Variants in WDPCP observed in about 807,000 individuals in gnomAD.
WDPCP encodes the protein WD repeat-containing and planar cell polarity effector protein fritz homolog.
In WDPCP, 71 loss-of-function variants were observed where a neutral mutation model predicts 93.1. The observed-to-expected ratio is 0.76, with a 90% CI of 0.63 to 0.93. The LOEUF is 0.93. WDPCP is among the 40% of genes least tolerant of loss of function. The probability of loss-of-function intolerance (pLI) is 0.00; values close to 1 mark genes in which losing one functional copy is unlikely to be tolerated. For missense variants in WDPCP, 844 were observed against 887.4 expected (o/e 0.95, Z 0.62); for synonymous variants, 315 against 315.0 (o/e 1.00, Z 0.00).
chr2:63,163,993 T>C (rs1672800012), intron 15 of WDPCP, among the ~76,000 whole-genome samples: 1 of 152,312 alleles, frequency 6.6e-6, no homozygotes, highest in South Asian at 2.1e-4. Context: ...TCAATACTGG[T>C]TCATTATAAT....
intron 8 of WDPCP, among the ~76,000 whole-genome samples, chr2:63,435,656 T>C (rs554886284): frequency 6.6e-6 from 1 of 152,244 alleles, no homozygotes; most frequent in Non-Finnish European, 1.5e-5. Flanking sequence ...CCTATGAGTT[T>C]AATATTATCA....
intron 15 of WDPCP, among the ~76,000 whole-genome samples, chr2:63,170,216 A>C (rs1212927574): frequency 1.3e-5 from 2 of 148,860 alleles, no homozygotes; most frequent in South Asian, 4.3e-4. Context: ...GTCTTCTTCC[A>C]TCCCTCCCTC....
At chr2:63,589,328 A>G, upstream of WDPCP, 2 of 1,550,662 alleles carry the variant, frequency 1.3e-6, no homozygotes, top group Non-Finnish European at 1.7e-6. Flanking sequence ...GGAGGACAAA[A>G]TGCGACGCTG....
At chr2:63,546,538 A>G (rs927988924) in intron 1 of WDPCP, among the ~76,000 whole-genome samples, 4 of 152,212 alleles carry the variant, frequency 2.6e-5, no homozygotes, top group African/African-American at 9.7e-5. Context: ...CATAGCCTGA[A>G]GCAAGCCACT....
intron 13 of WDPCP, among the ~76,000 whole-genome samples, chr2:63,272,015 C>A (rs1329538072): frequency 6.6e-6 from 1 of 152,200 alleles, no homozygotes; most frequent in African/African-American, 2.4e-5. Context: ...GGTCCCTGAA[C>A]AAGCAACCTG....
chr2:63,224,502 G>A (rs1296105637), intron 14 of WDPCP, among the ~76,000 whole-genome samples: 1 of 151,940 alleles, frequency 6.6e-6, no homozygotes, highest in Non-Finnish European at 1.5e-5. Context: ...TTGTTCTTCA[G>A]TCGATGACTA....
intron 3 of WDPCP, among the ~76,000 whole-genome samples, chr2:63,626,105 T>C (rs1309259311): frequency 6.6e-6 from 1 of 152,188 alleles, no homozygotes; most frequent in East Asian, 1.9e-4. Flanking sequence ...CCCTATTTAA[T>C]AAATGGTGTT....
chr2:63,586,390 G>A (rs1332573194), intron 1 of WDPCP, among the ~76,000 whole-genome samples: 2 of 152,158 alleles, frequency 1.3e-5, no homozygotes, highest in Non-Finnish European at 2.9e-5. Context: ...TGCTCTGTTT[G>A]TTGCCTTAAC....
intron 15 of WDPCP, among the ~76,000 whole-genome samples, chr2:63,159,412 T>C (rs1484384338): frequency 6.6e-6 from 1 of 152,096 alleles, no homozygotes; most frequent in Non-Finnish European, 1.5e-5. Flanking sequence ...TTTTAATGAT[T>C]GTTGGAGCTC....
intron 2 of WDPCP, among the ~76,000 whole-genome samples, chr2:63,705,284 G>A (rs1483232088): frequency 6.6e-6 from 1 of 152,078 alleles, no homozygotes. Context: ...AGGGTTTTTT[G>A]TGTCTCTGTT....
chr2:63,247,406 G>A (rs1322794869), intron 14 of WDPCP, among the ~76,000 whole-genome samples: 1 of 152,136 alleles, frequency 6.6e-6, no homozygotes, highest in Admixed American at 6.6e-5. Context: ...GAATGAATGT[G>A]TAAGAAAATG....
chr2:63,162,192 C>T lies in WDPCP; in HGVS notation c.2079-8618G>A, dbSNP rs117819627. Among the ~76,000 whole-genome samples the T allele has an allele frequency of 2.6e-3, 402 of 152,040 alleles. 2 individuals carry two copies. Among genetic ancestry groups the T allele is most frequent in the Admixed American group, 0.017 (263 of 15,268 alleles). On this transcript the variant is annotated intron_variant, in intron 15 of 17. Transcript: ENST00000272321. Reference sequence around the variant, plus strand: ...GATATGGCATATTTAACTTCATATTCGACTTGCACAGCATGCAAGTTCAGA... The same window carrying T: ...GATATGGCATATTTAACTTCATATTTGACTTGCACAGCATGCAAGTTCAGA...
At chr2:63,292,536 C>G (rs1684525497) in intron 13 of WDPCP, among the ~76,000 whole-genome samples, 1 of 152,176 alleles carries the variant, frequency 6.6e-6, no homozygotes, top group African/African-American at 2.4e-5. Context: ...TCTAGCATCT[C>G]CATTTAGCCC....
intron 2 of WDPCP, among the ~76,000 whole-genome samples, chr2:63,680,000 C>T (rs1710472442): frequency 6.6e-6 from 1 of 152,184 alleles, no homozygotes; most frequent in African/African-American, 2.4e-5. Context: ...GACCACTTCT[C>T]TCAGCAAAAC....
intron 6 of WDPCP, among the ~76,000 whole-genome samples, chr2:63,460,321 A>G (rs1277802801): frequency 3.9e-5 from 6 of 152,172 alleles, no homozygotes; most frequent in African/African-American, 1.4e-4. Context: ...CACAGATACC[A>G]AAGACTGGGA....
At chr2:63,380,953 ATG>A (rs772489941) in intron 11 of WDPCP, among the ~76,000 whole-genome samples, 41 of 152,260 alleles carry the variant, frequency 2.7e-4, no homozygotes, top group Admixed American at 9.8e-4. Flanking sequence ...TATTTTGGCA[ATG>A]TAATAAAGTG....
the WDPCP span, among the ~76,000 whole-genome samples, chr2:63,839,098 C>A: frequency 2.6e-5 from 4 of 152,164 alleles, no homozygotes; most frequent in African/African-American, 9.7e-5. Context: ...AGCAAGTGTA[C>A]AACAACCTTT....
intron 2 of WDPCP, among the ~76,000 whole-genome samples, chr2:63,701,057 G>C (rs1669041815): frequency 6.6e-6 from 1 of 152,064 alleles, no homozygotes; most frequent in South Asian, 2.1e-4. Context: ...GAGGCAACAA[G>C]GTAGAGACAA....
intron 3 of WDPCP, among the ~76,000 whole-genome samples, chr2:63,644,797 T>C (rs547148485): frequency 1.3e-5 from 2 of 152,216 alleles, no homozygotes; most frequent in African/African-American, 2.4e-5. Context: ...TATTGGCATA[T>C]AGTTGCTCAT....
Sources: allele counts gnomAD v4.1 joint callset (sites outside exome capture counted in the v4.1 genomes callset), GRCh38; gene constraint gnomAD v4.1.1; transcripts MANE v1.5; gene names NCBI Gene and HGNC (gene_info 2026-07-23, HGNC 2026-07-21).